Variants in GPRC5C observed in about 807,000 individuals in gnomAD.
GPRC5C encodes the protein G protein-coupled receptor family C group 5 member C.
Under a neutral mutation model 31.4 loss-of-function variants are expected in GPRC5C, and 22 were observed. The ratio of observed to expected loss-of-function variants is 0.70; its 90% CI spans 0.50 to 1.00. The LOEUF (loss-of-function observed/expected upper bound fraction) is 1.00. Among genes scored for constraint, GPRC5C ranks in the 50% least tolerant of loss-of-function variants. The pLI, the probability that GPRC5C is intolerant of heterozygous loss-of-function variation, is 0.00. For missense variants in GPRC5C, 557 were observed against 597.2 expected (o/e 0.93, Z 0.70); for synonymous variants, 249 against 257.5 (o/e 0.97, Z 0.32).
chr17:74,450,823 T>C (rs898653901), downstream of GPRC5C: 2 of 152,188 alleles, frequency 1.3e-5, no homozygotes, highest in African/African-American at 4.8e-5. Context: ...TTCCTGCCCT[T>C]ATCCAAGGTG....
chr17:74,440,280 C>A lies in GPRC5C; in HGVS notation c.504C>A (p.Val168=), dbSNP rs762354061. The change falls in exon 2 of 4, where the codon GTC becomes GTA. Residue 168 remains valine, a synonymous_variant. Coordinates refer to ENST00000392627, the MANE Select transcript of GPRC5C (RefSeq NM_022036.4). The surrounding 1 kb of genome is among the most constrained non-coding windows in gnomAD (Gnocchi z 4.4). ...TVALLLTLVE[V]IINTEWLIIT... ...CTCTGCTGCTGACCCTGGTAGAGGT[C>A]ATCATCAATACAGAGTGGCTGATCA... is the stretch of plus-strand genomic sequence containing the variant. 2 of 1,614,164 alleles carry A rather than the reference C, an allele frequency of 1.2e-6. No homozygotes were observed. The highest frequency in any genetic ancestry group is 3.3e-5 in the Admixed American group (2 of 60,034).
chr17:74,440,730 C>G lies in GPRC5C; in HGVS notation c.954C>G (p.Pro318=). The change falls in exon 2 of 4, where the codon CCC becomes CCG. Residue 318 remains proline (P), a synonymous_variant. Transcript: ENST00000392627. This position sits in a 1 kb window ranked among gnomAD's most constrained non-coding sequence, Gnocchi z 4.4. ...PEQSYQGDMY[P]TRGVGYETIL... ...AAAGCTACCAGGGGGACATGTACCC[C>G]ACCCGGGGCGTGGGCTATGAGACCA... 6.3e-7 allele frequency: 1 copy of G among 1,594,810 alleles called. No individual in the cohort carries two copies. Among genetic ancestry groups the G allele is most frequent in the Non-Finnish European group, 8.6e-7 (1 of 1,167,054 alleles).
chr17:74,437,247 A>G (rs1228420453), intron 1 of GPRC5C, among the ~76,000 whole-genome samples: 1 of 152,170 alleles, frequency 6.6e-6, no homozygotes, highest in Non-Finnish European at 1.5e-5. Context: ...CTTACCTCTT[A>G]GCCCTCTCTT....
chr17:74,445,492 G>C (rs932537675), intron 3 of GPRC5C: 2 of 152,852 alleles, frequency 1.3e-5, no homozygotes, highest in Non-Finnish European at 2.9e-5. Flanking sequence ...GAGTCTGCGT[G>C]GGGACTGTGT....
At chr17:74,436,416 G>A (rs1303463920) in intron 1 of GPRC5C, among the ~76,000 whole-genome samples, 4 of 152,022 alleles carry the variant, frequency 2.6e-5, no homozygotes, top group South Asian at 4.1e-4. Flanking sequence ...AAAACTCTGC[G>A]GAACAGTCTT....
At chr17:74,441,272 A>T (rs1172868762) in intron 2 of GPRC5C, among the ~76,000 whole-genome samples, 7 of 152,116 alleles carry the variant, frequency 4.6e-5, no homozygotes, top group Admixed American at 4.6e-4. Context: ...GCAAGACTCC[A>T]TCTCAAAATA....
chr17:74,433,139 C>A (rs557624736), intron 1 of GPRC5C, among the ~76,000 whole-genome samples: 1 of 152,172 alleles, frequency 6.6e-6, no homozygotes, highest in East Asian at 1.9e-4. Context: ...CGCTGGAAGA[C>A]CCAATCACTT....
Position 74,440,788 on chromosome 17 carries a change from G to T in GPRC5C, c.1012G>T (p.Val338Leu), listed in dbSNP as rs776030935. The change falls in exon 2 of 4, where the codon GTG (valine) becomes TTG (leucine). Residue 338 changes from valine to leucine, a missense_variant. Physicochemically the swap from Val to Leu is conservative, Grantham distance 32. Coordinates refer to ENST00000392627, the MANE Select transcript of GPRC5C (RefSeq NM_022036.4). The surrounding 1 kb of genome is among the most constrained non-coding windows in gnomAD (Gnocchi z 4.4). ...LKEQKGQSMF[V>L]ENKAFSMDEP... The stretch of plus-strand genomic sequence containing the variant: ...AGAGCAGAAGGGTCAGAGCATGTTC[G>T]TGGAGAACAAGGCCTTTTCCATGGA... 5.9e-6 allele frequency: 9 copies of T among 1,536,044 alleles called. No homozygotes were observed. Among genetic ancestry groups the T allele is most frequent in the Non-Finnish European group, 7.0e-6 (8 of 1,135,320 alleles).
chr17:74,432,768 G>T (rs1485533368), intron 1 of GPRC5C, among the ~76,000 whole-genome samples: 1 of 151,876 alleles, frequency 6.6e-6, no homozygotes, highest in Non-Finnish European at 1.5e-5. Context: ...TCCAAGAGGA[G>T]CCCCTCCACC....
rs1351374213 is a variant in GPRC5C, at chr17:74,447,067, G to A, written c.*39G>A. On this transcript the variant is annotated 3_prime_UTR_variant, in exon 4 of 4. Coordinates refer to ENST00000392627, the MANE Select transcript of GPRC5C (RefSeq NM_022036.4). ...AGGAGAGGCGGGCGGATTTGGGGAG[G>A]GCCCTGAGGACCTGGCCCCGGGCAA... The A allele has an allele frequency of 3.2e-6, 5 of 1,583,470 alleles. No homozygotes were observed. The South Asian group carries it at 5.6e-5, about 18-fold the overall frequency.
In GPRC5C at chr17:74,447,010, C is replaced by A; in HGVS notation, c.1308C>A (p.Asn436Lys). ...GCAAGAACTCTCAGGTCTTTAGAAA[C>A]CCCTACGTGTGGGACTGAGTCAGCG... ...KDGKNSQVFR[N>K]PYVWD is the part of the protein sequence containing the mutation. Residue 436 changes from asparagine to lysine, a missense_variant, in exon 4 of 4, where the codon AAC becomes AAA. Coordinates refer to ENST00000392627, the MANE Select transcript of GPRC5C (RefSeq NM_022036.4). 1 of 1,613,698 alleles carries A rather than the reference C, an allele frequency of 6.2e-7. No homozygotes were observed. The highest frequency in any genetic ancestry group is 8.5e-7 in the Non-Finnish European group (1 of 1,179,614).
At chr17:74,443,968 G>A in intron 3 of GPRC5C, 56 bp downstream of exon 3, 1 of 1,221,090 alleles carries the variant, frequency 8.2e-7, no homozygotes, top group Admixed American at 1.9e-5. Context: ...ACCAGCCTCA[G>A]CAGGCCAGTG....
rs1487605010 is a variant in GPRC5C, at chr17:74,435,087, C to T, written c.-33+2946C>T. 8.8e-5 allele frequency among the ~76,000 whole-genome samples: 12 copies of T among 137,050 alleles called. No individual in the cohort carries two copies. The South Asian group carries it at 2.1e-3, about 24-fold the overall frequency. 89.9% of individuals were successfully genotyped at this position (137,050 alleles called of 152,430 possible). ...AGAAAAAATTAGCCGGGCGTGGTGG[C>T]GGGCGCCTGTAGTCCCAGCTACTCG... On this transcript the variant is annotated intron_variant, in intron 1 of 3. Coordinates refer to ENST00000392627, the MANE Select transcript of GPRC5C (RefSeq NM_022036.4).
At position 74,446,983 on chromosome 17, in the gene GPRC5C, C is replaced by T. The variant is rs377025049; in HGVS notation, c.1281C>T (p.Asp427=). 232 of 1,614,078 alleles carry T rather than the reference C, an allele frequency of 1.4e-4. No homozygotes were observed. The highest frequency in any genetic ancestry group is 1.8e-4 in the Non-Finnish European group (217 of 1,180,006). Residue 427 remains aspartate (D), a synonymous_variant, in exon 4 of 4, where the codon GAC becomes GAT. Coordinates refer to ENST00000392627, the MANE Select transcript of GPRC5C (RefSeq NM_022036.4). ...ACCAGGCGGCCACACCGCCGAAAGA[C>T]GGCAAGAACTCTCAGGTCTTTAGAA... ...QSHQAATPPK[D]GKNSQVFRNP...
Position 74,447,177 on chromosome 17 carries a change from T to C in GPRC5C, c.*149T>C, listed in dbSNP as rs2055653648. On this transcript the variant is annotated 3_prime_UTR_variant, in exon 4 of 4. Coordinates refer to ENST00000392627, the MANE Select transcript of GPRC5C (RefSeq NM_022036.4). ...AAGGGCCTCCCTCTCTGCCAGTGTT[T>C]GGGTGGGTGTCATGGGTGTCCCCAC... 7.0e-7 allele frequency: 1 copy of C among 1,427,716 alleles called. No homozygotes were observed. Among genetic ancestry groups the C allele is most frequent in the Non-Finnish European group, 9.2e-7 (1 of 1,090,864 alleles). The allele number at this position is 1,427,716 out of a possible 1,614,324, so 88.4% of individuals were successfully genotyped here.
At chr17:74,443,975 A>C (rs552583072) in intron 3 of GPRC5C, 63 bp downstream of exon 3, 3 of 1,142,348 alleles carry the variant, frequency 2.6e-6, no homozygotes, top group African/African-American at 3.1e-5. Context: ...TCAGCAGGCC[A>C]GTGGGAGAAG....
rs1371650543 is a variant in GPRC5C, at chr17:74,439,899, C to T, written c.123C>T (p.Asn41=). Residue 41 remains asparagine (N), a synonymous_variant, in exon 2 of 4, where the codon AAC becomes AAT. Transcript: ENST00000392627. ...CSQGLNPLYY[N]LCDRSGAWGI... ...AAGGCCTCAACCCCCTGTACTACAA[C>T]CTGTGTGACCGCTCTGGGGCGTGGG... 6.2e-7 allele frequency: 1 copy of T among 1,612,998 alleles called. No individual in the cohort carries two copies. Among genetic ancestry groups the T allele is most frequent in the Non-Finnish European group, 8.5e-7 (1 of 1,180,036 alleles).
At chr17:74,432,616 C>A in intron 1 of GPRC5C, 1 of 709,204 alleles carries the variant, frequency 1.4e-6, no homozygotes. Context: ...GACTGGACAT[C>A]CTGCGGGCTG....
Position 74,440,688 on chromosome 17 carries a change from C to T in GPRC5C, c.912C>T (p.Thr304=). 1 of 1,608,766 alleles carries T rather than the reference C, an allele frequency of 6.2e-7. No homozygotes were observed. The highest frequency in any genetic ancestry group is 8.5e-7 in the Non-Finnish European group (1 of 1,175,830). ...FYVIPEVSQV[T]KSSPEQSYQG... ...TCATCCCCGAGGTCTCCCAGGTGACCAAGTCCAGCCCAGAGCAAAGCTACC... is the reference window on the plus strand; with the variant it reads ...TCATCCCCGAGGTCTCCCAGGTGACTAAGTCCAGCCCAGAGCAAAGCTACC... Residue 304 remains threonine (T), a synonymous_variant, in exon 2 of 4, where the codon ACC becomes ACT. Coordinates refer to ENST00000392627, the MANE Select transcript of GPRC5C (RefSeq NM_022036.4). The surrounding 1 kb of genome is among the most constrained non-coding windows in gnomAD (Gnocchi z 4.4).
Sources: gnomAD v4.1 joint callset for allele counts (sites outside exome capture counted in the v4.1 genomes callset) on GRCh38, gnomAD v4.1.1 for gene constraint, Gnocchi (gnomAD v3.1) non-coding constraint, MANE v1.5 for transcripts, NCBI Gene and HGNC (gene_info 2026-07-23, HGNC 2026-07-21) for gene names.